The following CSN2 variants were observed in gnomAD, a reference collection of about 807,000 sequenced individuals.
CSN2 encodes the protein casein beta.
CSN2 carries 27 observed loss-of-function variants against 27.3 expected under a neutral mutation model. The observed-to-expected ratio is 0.99, with a 90% CI of 0.73 to 1.36. The LOEUF (loss-of-function observed/expected upper bound fraction) is 1.36, where lower values mean the gene tolerates loss of function less well. Ranked by LOEUF, CSN2 falls within the 40% of genes most tolerant of loss-of-function variation. The pLI is 0.00. For missense variants in CSN2, 333 were observed against 264.5 expected (o/e 1.26, Z -1.80); for synonymous variants, 131 against 94.8 (o/e 1.38, Z -2.22).
Position 69,957,646 on chromosome 4 carries a change from G to T in CSN2, c.303C>A (p.Val101=). 1 of 1,613,902 alleles carries T rather than the reference G, an allele frequency of 6.2e-7. No individual in the cohort carries two copies. Among genetic ancestry groups the T allele is most frequent in the Non-Finnish European group, 8.5e-7 (1 of 1,179,962 alleles). ...LPVPQPEIME[V]PKAKDTVYTK... Reference sequence around the variant, plus strand: ...TGTAGACAGTGTCTTTAGCTTTAGGGACTTCCATTATTTCAGGCTGAGGGA... The same window carrying T: ...TGTAGACAGTGTCTTTAGCTTTAGGTACTTCCATTATTTCAGGCTGAGGGA... The change falls in exon 6 of 8, where the codon GTC becomes GTA. Residue 101 remains valine, a synonymous_variant. Coordinates refer to ENST00000353151, the MANE Select transcript of CSN2 (RefSeq NM_001891.4).
At chr4:69,962,491 T>A (rs1723629255) in intron 1 of CSN2, among the ~76,000 whole-genome samples, 2 of 152,250 alleles carry the variant, frequency 1.3e-5, no homozygotes, top group South Asian at 2.1e-4. Flanking sequence ...GGGAAAGGAT[T>A]CCCTATTTAA....
chr4:69,957,667 A>G lies in CSN2; in HGVS notation c.282T>C (p.Pro94=). ...TAGGGACTTCCATTATTTCAGGCTG[A>G]GGGACAGGCAGCACCACAGCAGGCT... The part of the protein sequence containing the change: ...LAQPAVVLPV[P]QPEIMEVPKA... The change falls in exon 6 of 8, where the codon CCT becomes CCC. Residue 94 remains proline (P), a synonymous_variant. Transcript: ENST00000353151. The G allele has an allele frequency of 6.2e-7, 1 of 1,613,978 alleles. No homozygotes were observed. Among genetic ancestry groups the G allele is most frequent in the Non-Finnish European group, 8.5e-7 (1 of 1,179,992 alleles).
chr4:69,957,412 G>C lies in CSN2; in HGVS notation c.537C>G (p.Ile179Met), dbSNP rs750958579. ...GAGGGTAGGGCACCACTTGCTGGGG[G>C]ATAGGCAGGACTTTGGGCTGAGGAA... is the stretch of plus-strand genomic sequence containing the variant. Reference protein sequence around the residue: ...WSVPQPKVLPIPQQVVPYPQR... With the variant: ...WSVPQPKVLPMPQQVVPYPQR... The change falls in exon 6 of 8, where the codon ATC becomes ATG. Residue 179 changes from isoleucine to methionine, a missense_variant. Transcript: ENST00000353151. 6.2e-6 allele frequency: 10 copies of C among 1,613,522 alleles called. No individual in the cohort carries two copies. The African/African-American group carries it at 1.1e-4, about 17-fold the overall frequency.
chr4:69,963,286 T>G (rs990920119), intron 1 of CSN2, among the ~76,000 whole-genome samples: 2 of 152,078 alleles, frequency 1.3e-5, no homozygotes, highest in African/African-American at 4.8e-5. Context: ...CACATACACA[T>G]GTATGTTTAT....
chr4:69,960,942 T>C lies in CSN2; in HGVS notation c.51+3A>G. 1 of 1,601,366 alleles carries C rather than the reference T, an allele frequency of 6.2e-7. No individual in the cohort carries two copies. On this transcript the variant is annotated splice_donor_region_variant and intron_variant, in intron 2 of 7. Transcript: ENST00000353151. ...GTTTAGGAATTTTTTCTTGTGCACATACCTCCCTTGCAAGAGCAAGAGCCA... is the reference window on the plus strand; with the variant it reads ...GTTTAGGAATTTTTTCTTGTGCACACACCTCCCTTGCAAGAGCAAGAGCCA...
At chr4:69,960,570 C>T (rs3816875) in intron 2 of CSN2, among the ~76,000 whole-genome samples, 37,865 of 151,468 alleles carry the variant, frequency 0.25, 5,110 homozygotes, top group South Asian at 0.35. Context: ...AGGATTTGAC[C>T]CAGTGCCCTA....
intron 1 of CSN2, among the ~76,000 whole-genome samples, chr4:69,964,590 T>G (rs1263093190): frequency 6.6e-6 from 1 of 151,684 alleles, no homozygotes; most frequent in Non-Finnish European, 1.5e-5. Flanking sequence ...AATTAAGTTT[T>G]TATTAATTTT....
Position 69,959,038 on chromosome 4 carries a change from T to C in CSN2, c.99+11A>G, listed in dbSNP as rs770527979. 2 of 1,448,710 alleles carry C rather than the reference T, an allele frequency of 1.4e-6. No individual in the cohort carries two copies. Among genetic ancestry groups the C allele is most frequent in the Admixed American group, 1.9e-5 (1 of 53,330 alleles). 89.7% of individuals were successfully genotyped at this position (1,448,710 alleles called of 1,614,324 possible). A position where few individuals can be genotyped will look rare whatever the true frequency, so the allele number is the denominator to read the frequency against. The stretch of plus-strand genomic sequence containing the variant: ...TTTGAAAATGTGTACATTTTAAATG[T>C]GAAAATTTACCTTGTATTCTGTAAT... On this transcript the variant is annotated intron_variant, in intron 4 of 7. Transcript: ENST00000353151.
At chr4:69,964,593 T>C (rs1723735056) in intron 1 of CSN2, among the ~76,000 whole-genome samples, 2 of 151,806 alleles carry the variant, frequency 1.3e-5, no homozygotes, top group Middle Eastern at 3.4e-3. Context: ...TAAGTTTTTA[T>C]TAATTTTACT....
rs563592227 is a variant in CSN2 at position 69,957,319 on chromosome 4, G to C, written c.630C>G (p.Ile210Met). 2.7e-5 allele frequency: 44 copies of C among 1,601,796 alleles called. No homozygotes were observed. The East Asian group carries it at 8.3e-4, about 30-fold the overall frequency. ...QELLLNPTHQ[I>M]YPVTQPLAPV... ...GGGCAAGTGGCTGAGTCACAGGGTA[G>C]ATCTGGTGGGTGGGGTTAAGTAGAA... The change falls in exon 6 of 8, where the codon ATC (isoleucine) becomes ATG (methionine). Residue 210 changes from isoleucine to methionine, a missense_variant. By Grantham distance (10) the Ile-to-Met change is conservative. Coordinates refer to ENST00000353151, the MANE Select transcript of CSN2 (RefSeq NM_001891.4).
intron 1 of CSN2, among the ~76,000 whole-genome samples, chr4:69,963,413 A>T (rs1270004361): frequency 6.6e-6 from 1 of 152,156 alleles, no homozygotes; most frequent in Non-Finnish European, 1.5e-5. Context: ...GCCATAAAAA[A>T]TGATGAGTTC....
intron 1 of CSN2, among the ~76,000 whole-genome samples, chr4:69,964,094 G>T (rs891910787): frequency 6.6e-6 from 1 of 152,128 alleles, no homozygotes; most frequent in East Asian, 1.9e-4. Flanking sequence ...TATTGAGTTT[G>T]TTTCTTCTCC....
intron 3 of CSN2, among the ~76,000 whole-genome samples, 193 bp downstream of exon 3, chr4:69,959,860 C>T (rs1723514745): frequency 6.6e-6 from 1 of 151,704 alleles, no homozygotes; most frequent in Non-Finnish European, 1.5e-5. Flanking sequence ...TTTCAAGTAG[C>T]AAGCCAATTT....
chr4:69,958,057 GA>G (rs954569992), intron 5 of CSN2, among the ~76,000 whole-genome samples: 6 of 152,140 alleles, frequency 3.9e-5, no homozygotes, highest in African/African-American at 1.4e-4. Flanking sequence ...GGATATTTCA[GA>G]AACACTTTTT....
intron 1 of CSN2, among the ~76,000 whole-genome samples, 200 bp downstream of exon 1, chr4:69,965,481 G>A (rs1215308932): frequency 2.0e-5 from 2 of 98,576 alleles, no homozygotes; most frequent in South Asian, 3.2e-4. Context: ...TTAAACTCAT[G>A]AAGGCTATAT....
rs536245452 is a variant in CSN2 at position 69,957,743 on chromosome 4, A to G, written c.206T>C (p.Val69Ala). ...FQPQPLIYPF[V>A]EPIPYGFLPQ... Reference sequence around the variant, plus strand: ...AAGAAAACCATAGGGGATAGGTTCAACGAATGGATAGATCAGAGGCTGTGG... The same window carrying G: ...AAGAAAACCATAGGGGATAGGTTCAGCGAATGGATAGATCAGAGGCTGTGG... Residue 69 changes from valine (V) to alanine (A), a missense_variant, in exon 6 of 8, where the codon GTT becomes GCT. By Grantham distance (64) the Val-to-Ala change is moderately conservative (BLOSUM62 0). Coordinates refer to ENST00000353151, the MANE Select transcript of CSN2 (RefSeq NM_001891.4). 2 of 1,614,042 alleles carry G rather than the reference A, an allele frequency of 1.2e-6. No individual in the cohort carries two copies. The highest frequency in any genetic ancestry group is 1.3e-5 in the African/African-American group (1 of 75,038).
At chr4:69,956,599 C>T (rs1387285512) in intron 6 of CSN2, among the ~76,000 whole-genome samples, 2 of 152,022 alleles carry the variant, frequency 1.3e-5, no homozygotes, top group African/African-American at 4.8e-5. Flanking sequence ...CAGTCTTTTG[C>T]CTTCATATAT....
chr4:69,961,030 A>G, intron 1 of CSN2, 23 bp from the exon 2 acceptor site: 1 of 1,569,314 alleles, frequency 6.4e-7, no homozygotes, highest in African/African-American at 1.3e-5. Flanking sequence ...AAAAAATGGA[A>G]TGGTGGAAGA....
chr4:69,960,206 T>A, intron 2 of CSN2, 127 bp from the exon 3 acceptor site: 1 of 795,356 alleles, frequency 1.3e-6, no homozygotes, highest in Non-Finnish European at 2.0e-6. Context: ...GATTGTTCCT[T>A]CTGAAAAGAT....
Sources: allele counts gnomAD v4.1 joint callset (sites outside exome capture counted in the v4.1 genomes callset), GRCh38; gene constraint gnomAD v4.1.1; transcripts MANE v1.5; gene names NCBI Gene and HGNC (gene_info 2026-07-23, HGNC 2026-07-21).